Variants in ZBTB49 observed in about 807,000 individuals in gnomAD.
The protein encoded by ZBTB49 is zinc finger and BTB domain-containing protein 49.
Under a neutral mutation model 57.5 loss-of-function variants are expected in ZBTB49, and 43 were observed. The observed-to-expected ratio is 0.75, with a 90% CI of 0.59 to 0.97. ZBTB49 has a LOEUF of 0.97. ZBTB49 is among the 50% of genes least tolerant of loss of function. ZBTB49 has a pLI of 0.00. For missense variants in ZBTB49, 938 were observed against 947.7 expected (o/e 0.99, Z 0.13); for synonymous variants, 369 against 362.1 (o/e 1.02, Z -0.22).
intron 4 of ZBTB49, among the ~76,000 whole-genome samples, chr4:4,310,432 C>G (rs1720936511): frequency 6.6e-6 from 1 of 152,082 alleles, no homozygotes; most frequent in South Asian, 2.1e-4. Flanking sequence ...AAGTTAAATA[C>G]TCTTCGCAAC....
At chr4:4,291,511 C>T (rs1719910623) in intron 1 of ZBTB49, among the ~76,000 whole-genome samples, 1 of 152,156 alleles carries the variant, frequency 6.6e-6, no homozygotes, top group Non-Finnish European at 1.5e-5. Context: ...TTAACCATAA[C>T]AGAAGGAATT....
intron 1 of ZBTB49, among the ~76,000 whole-genome samples, chr4:4,291,517 G>A (rs2075616554): frequency 6.6e-6 from 1 of 152,160 alleles, no homozygotes; most frequent in African/African-American, 2.4e-5. Flanking sequence ...ATAACAGAAG[G>A]AATTCACAGA....
At chr4:4,317,281 G>A (rs1474846906) in intron 7 of ZBTB49, among the ~76,000 whole-genome samples, 1 of 152,136 alleles carries the variant, frequency 6.6e-6, no homozygotes, top group South Asian at 2.1e-4. Context: ...ATGGGGGAGC[G>A]CTGAAGAGAG....
At chr4:4,315,525 C>G (rs1721153129) in intron 5 of ZBTB49, 111 bp from the exon 6 acceptor site, 4 of 1,048,640 alleles carry the variant, frequency 3.8e-6, no homozygotes, top group Non-Finnish European at 1.4e-6. Flanking sequence ...GTTCACGTTC[C>G]TTTCTGCAGC....
chr4:4,302,519 C>T lies in ZBTB49; in HGVS notation c.683C>T (p.Ala228Val). Residue 228 changes from alanine (A) to valine (V), a missense_variant, in exon 3 of 8, where the codon GCA becomes GTA. By Grantham distance (64) the Ala-to-Val change is moderately conservative. Around this residue, in one of 3 missense-constraint regions of ZBTB49, gnomAD observed 835 missense variants for 819.1 expected, o/e 1.02. Coordinates refer to ENST00000337872, the MANE Select transcript of ZBTB49 (RefSeq NM_145291.4). ...NFYSKQYHKH[A>V]AGPSQERVVE... is the part of the protein sequence containing the mutation. ...TACAGTAAGCAGTACCATAAACACG[C>T]AGCTGGTCCCAGTCAGGAGAGAGTT... 1 of 1,613,968 alleles carries T rather than the reference C, an allele frequency of 6.2e-7. No individual in the cohort carries two copies. The highest frequency in any genetic ancestry group is 8.5e-7 in the Non-Finnish European group (1 of 1,179,912).
chr4:4,294,122 T>C (rs1367363401), intron 1 of ZBTB49, among the ~76,000 whole-genome samples: 1 of 152,218 alleles, frequency 6.6e-6, no homozygotes, highest in Non-Finnish European at 1.5e-5. Context: ...AACATAAGTA[T>C]TTGTCATAAT....
intron 7 of ZBTB49, among the ~76,000 whole-genome samples, chr4:4,320,118 T>G (rs993880431): frequency 6.6e-6 from 1 of 152,060 alleles, no homozygotes; most frequent in African/African-American, 2.4e-5. Context: ...AATTATAGAT[T>G]GGCTGTGTTA....
chr4:4,316,001 C>T, intron 7 of ZBTB49, 31 bp downstream of exon 7: 2 of 1,609,742 alleles, frequency 1.2e-6, no homozygotes, highest in Non-Finnish European at 1.7e-6. Flanking sequence ...GTCCCCTAGT[C>T]ATCTGTGTGT....
At chr4:4,306,617 T>G (rs1262623332) in intron 4 of ZBTB49, among the ~76,000 whole-genome samples, 1 of 152,202 alleles carries the variant, frequency 6.6e-6, no homozygotes, top group Non-Finnish European at 1.5e-5. Flanking sequence ...CTGTGTTGAC[T>G]GCTACCTTTA....
chr4:4,301,960 C>T (rs766026460), intron 2 of ZBTB49, 29 bp from the exon 3 acceptor site: 8 of 1,475,236 alleles, frequency 5.4e-6, no homozygotes, highest in Non-Finnish European at 7.2e-6. Flanking sequence ...ATTTTTGGCA[C>T]TGTAAACAGA....
At chr4:4,292,238 A>G (rs1003262527) in intron 1 of ZBTB49, among the ~76,000 whole-genome samples, 1 of 152,172 alleles carries the variant, frequency 6.6e-6, no homozygotes, top group Non-Finnish European at 1.5e-5. Context: ...CCGAAAGCAC[A>G]CCACTCCACT....
At chr4:4,304,818 C>T (rs1720667472) in intron 3 of ZBTB49, among the ~76,000 whole-genome samples, 1 of 152,212 alleles carries the variant, frequency 6.6e-6, no homozygotes, top group Non-Finnish European at 1.5e-5. Context: ...ATGAAGTCCT[C>T]ACCCTGGTGG....
intron 7 of ZBTB49, 124 bp downstream of exon 7, chr4:4,316,094 CTCACATGA>C: frequency 8.2e-7 from 1 of 1,220,422 alleles, no homozygotes; most frequent in Admixed American, 2.6e-5. Flanking sequence ...TTTTTATTGC[CTCACATGA>C]TCTCTCATTC....
intron 5 of ZBTB49, 76 bp from the exon 6 acceptor site, chr4:4,315,560 C>A: frequency 7.0e-7 from 1 of 1,433,876 alleles, no homozygotes; most frequent in South Asian, 1.2e-5. Flanking sequence ...GTATCTCCTC[C>A]CTCAGAGAGT....
chr4:4,299,821 CTG>C (rs1720397508), intron 1 of ZBTB49, 104 bp from the exon 2 acceptor site: 8 of 888,988 alleles, frequency 9.0e-6, no homozygotes, highest in South Asian at 1.6e-5. Context: ...GAGAGAGAAA[CTG>C]TGATGAGAGA....
At chr4:4,305,168 TA>T (rs1443338451) in intron 3 of ZBTB49, among the ~76,000 whole-genome samples, 15 of 149,322 alleles carry the variant, frequency 1.0e-4, no homozygotes, top group African/African-American at 3.4e-4. Context: ...TTATTATTAA[TA>T]TAAATATAAT....
chr4:4,312,389 A>G (rs1326728502), intron 4 of ZBTB49, among the ~76,000 whole-genome samples: 1 of 152,190 alleles, frequency 6.6e-6, no homozygotes, highest in Non-Finnish European at 1.5e-5. Flanking sequence ...ATAGAAATCC[A>G]TCTGATGATC....
chr4:4,315,713 G>T lies in ZBTB49; in HGVS notation c.1454G>T (p.Gly485Val). The change falls in exon 6 of 8, where the codon GGT becomes GTT. Residue 485 changes from glycine (G) to valine (V), a missense_variant. By Grantham distance (109) the Gly-to-Val change is moderately radical. Around this residue, in one of 3 missense-constraint regions of ZBTB49, gnomAD observed 835 missense variants for 819.1 expected, o/e 1.02. Coordinates refer to ENST00000337872, the MANE Select transcript of ZBTB49 (RefSeq NM_145291.4). ...GEKPHLCDIC[G>V]RGFSNFSNLK... ...AAACCACACTTGTGTGACATCTGTG[G>T]TCGAGGTACAGCTGAGTGTTTTCCT... 6.2e-7 allele frequency: 1 copy of T among 1,614,008 alleles called. No homozygotes were observed. Among genetic ancestry groups the T allele is most frequent in the Non-Finnish European group, 8.5e-7 (1 of 1,180,032 alleles).
intron 1 of ZBTB49, among the ~76,000 whole-genome samples, chr4:4,293,566 C>T (rs1720045308): frequency 6.6e-6 from 1 of 152,232 alleles, no homozygotes; most frequent in African/African-American, 2.4e-5. Flanking sequence ...CTGTGTAACA[C>T]TCTACCCCCA....
Sources: allele counts gnomAD v4.1 joint callset (sites outside exome capture counted in the v4.1 genomes callset), GRCh38; gene constraint gnomAD v4.1.1; regional missense constraint gnomAD v4.1.1; transcripts MANE v1.5; gene names NCBI Gene and HGNC (gene_info 2026-07-23, HGNC 2026-07-21).